The following RTN3 variants were observed in gnomAD, a reference collection of about 807,000 sequenced individuals.
The protein encoded by RTN3 is reticulon 3, also known as reticulon-3.
RTN3 carries 49 observed loss-of-function variants against 77.8 expected under a neutral mutation model. That is an observed-to-expected ratio of 0.63 (90% CI 0.50 to 0.80). The LOEUF is 0.80. Ranked by LOEUF, RTN3 falls within the 30% of genes least tolerant of loss-of-function variation. The pLI, the probability that RTN3 is intolerant of heterozygous loss-of-function variation, is 0.00. For synonymous variants in RTN3, 464 were observed against 446.9 expected, an observed-to-expected ratio of 1.04 and a Z score of -0.48; for missense variants, 1,236 against 1,211.9, an observed-to-expected ratio of 1.02 and a Z score of -0.29.
At chr11:63,735,550 T>TTCCCTCTCTCTCTCTC (rs2013034094) in intron 3 of RTN3, among the ~76,000 whole-genome samples, 1 of 42,684 alleles carries the variant, frequency 2.3e-5, no homozygotes, top group South Asian at 1.5e-3. Flanking sequence ...ATTCTAACAT[T>TTCCCTCTCTCTCTCTC]TCTCTCTCTC....
At chr11:63,715,658 AAAAAAACACAC>A (rs143591453) in intron 2 of RTN3, among the ~76,000 whole-genome samples, 14,532 of 152,086 alleles carry the variant, frequency 0.096, 921 homozygotes, top group South Asian at 0.16. Context: ...ACTCTGTCTA[AAAAAAACACAC>A]AAAAAACACA....
At chr11:63,687,276 C>T (rs1006479740) in intron 1 of RTN3, among the ~76,000 whole-genome samples, 3 of 152,138 alleles carry the variant, frequency 2.0e-5, no homozygotes, top group Admixed American at 6.6e-5. Flanking sequence ...GTTTCCTTAA[C>T]TTGAAAATTG....
At chr11:63,713,441 T>G (rs1396696088) in intron 2 of RTN3, among the ~76,000 whole-genome samples, 1 of 151,892 alleles carries the variant, frequency 6.6e-6, no homozygotes. Context: ...TCCCAAGTAG[T>G]CAGGACCACA....
At position 63,720,934 on chromosome 11, in the gene RTN3, C is replaced by T; in HGVS notation, c.2432C>T (p.Thr811Ile). The T allele has an allele frequency of 6.2e-7, 1 of 1,614,080 alleles. No homozygotes were observed. Among genetic ancestry groups the T allele is most frequent in the Non-Finnish European group, 8.5e-7 (1 of 1,179,982 alleles). ...CTTGGGATTTCCCAGAAGCCCATCA[C>T]TATCAGAGAAACTACTAGGGTAGAT... is the stretch of plus-strand genomic sequence containing the variant. ...SDLGISQKPI[T>I]IRETTRVDAV... The change falls in exon 3 of 9, where the codon ACT becomes ATT. Residue 811 changes from threonine to isoleucine, a missense_variant. Thr to Ile is a moderately conservative substitution (Grantham distance 89, BLOSUM62 -1). Transcript: ENST00000377819.
Position 63,758,655 on chromosome 11 carries a change from G to T in RTN3, c.*454G>T, listed in dbSNP as rs1359383282. 6.2e-5 allele frequency: 20 copies of T among 324,212 alleles called. No homozygotes were observed. The highest frequency in any genetic ancestry group is 1.7e-3 in the Middle Eastern group (2 of 1,212). 20.1% of individuals were successfully genotyped at this position (324,212 alleles called of 1,614,324 possible). On this transcript the variant is annotated 3_prime_UTR_variant, in exon 9 of 9. Coordinates refer to ENST00000377819, the MANE Select transcript of RTN3 (RefSeq NM_001265589.2). Reference sequence around the variant, plus strand: ...GGACAGGAGTGTGATACCTTCCTTGGTTTTTTTTTGCAGCCCTCAAATCCT... The same window carrying T: ...GGACAGGAGTGTGATACCTTCCTTGTTTTTTTTTTGCAGCCCTCAAATCCT...
chr11:63,696,857 TTTTC>T (rs1272351873), intron 1 of RTN3, among the ~76,000 whole-genome samples: 1,515 of 91,528 alleles, frequency 0.017, 166 homozygotes, highest in Middle Eastern at 0.028. Flanking sequence ...CCTGTTGCTA[TTTTC>T]TTTCTTTCTT....
chr11:63,695,498 G>T (rs1003570061), intron 1 of RTN3, among the ~76,000 whole-genome samples: 5 of 152,218 alleles, frequency 3.3e-5, no homozygotes, highest in African/African-American at 1.2e-4. Context: ...GTGTGGAAGG[G>T]TGGGGAGAAG....
chr11:63,717,657 G>T (rs1322127550), intron 2 of RTN3, among the ~76,000 whole-genome samples: 1 of 151,872 alleles, frequency 6.6e-6, no homozygotes, highest in African/African-American at 2.4e-5. Flanking sequence ...AGTTAACTCT[G>T]TCTTAACCAA....
At chr11:63,695,121 C>A (rs1264835028) in intron 1 of RTN3, among the ~76,000 whole-genome samples, 2 of 152,148 alleles carry the variant, frequency 1.3e-5, no homozygotes, top group East Asian at 3.8e-4. Flanking sequence ...AATATTCAAA[C>A]CTCCATATTC....
At chr11:63,726,876 A>AAG (rs1327126718) in intron 3 of RTN3, among the ~76,000 whole-genome samples, 4 of 67,894 alleles carry the variant, frequency 5.9e-5, no homozygotes, top group Non-Finnish European at 1.2e-4. Flanking sequence ...AAAAAAAAAA[A>AAG]AAGAAGAAGT....
chr11:63,702,107 A>T (rs1168236269), intron 1 of RTN3, among the ~76,000 whole-genome samples: 2 of 152,172 alleles, frequency 1.3e-5, no homozygotes, highest in Non-Finnish European at 2.9e-5. Flanking sequence ...GCTTAAATAT[A>T]TTTCTAATAT....
intron 1 of RTN3, among the ~76,000 whole-genome samples, chr11:63,699,615 A>G (rs1219136495): frequency 1.3e-5 from 2 of 152,238 alleles, no homozygotes; most frequent in East Asian, 3.9e-4. Flanking sequence ...CACAAAGGAT[A>G]TAATCCAGAT....
chr11:63,724,305 C>T (rs1209670866), intron 3 of RTN3, among the ~76,000 whole-genome samples: 2 of 148,680 alleles, frequency 1.3e-5, no homozygotes, highest in African/African-American at 5.0e-5. Context: ...GCCTCAGCCT[C>T]CCGAGTAGCT....
chr11:63,696,413 A>C (rs1344922627), intron 1 of RTN3, among the ~76,000 whole-genome samples: 1 of 151,652 alleles, frequency 6.6e-6, no homozygotes, highest in Non-Finnish European at 1.5e-5. Flanking sequence ...AAAAAAAAAG[A>C]ATATTGTGAT....
intron 3 of RTN3, among the ~76,000 whole-genome samples, chr11:63,723,960 T>G (rs1478485058): frequency 6.6e-6 from 1 of 152,152 alleles, no homozygotes; most frequent in African/African-American, 2.4e-5. Context: ...TGATAGACTC[T>G]CATAGTTTGG....
Position 63,749,997 on chromosome 11 carries a change from A to G in RTN3, c.2537A>G (p.Asp846Gly). Residue 846 changes from aspartate (D) to glycine (G), a missense_variant, in exon 4 of 9, where the codon GAT becomes GGT. Physicochemically the swap from Asp to Gly is moderately conservative, Grantham distance 94. Transcript: ENST00000377819. The stretch of plus-strand genomic sequence containing the variant: ...TTCCCTTTTCTTTTGTCAGTGCACG[A>G]TCTGATTTTCTGGAGAGATGTGAAG... Reference protein sequence around the residue: ...ARLLTDFSVHDLIFWRDVKKT... With the variant: ...ARLLTDFSVHGLIFWRDVKKT... 1 of 1,613,106 alleles carries G rather than the reference A, an allele frequency of 6.2e-7. No individual in the cohort carries two copies. Among genetic ancestry groups the G allele is most frequent in the Non-Finnish European group, 8.5e-7 (1 of 1,179,166 alleles).
chr11:63,733,092 A>G (rs1655176389), intron 3 of RTN3, among the ~76,000 whole-genome samples: 1 of 151,958 alleles, frequency 6.6e-6, no homozygotes, highest in South Asian at 2.1e-4. Context: ...AGGCAGGTGG[A>G]TCACTTGAGG....
Position 63,752,649 on chromosome 11 carries a change from A to G in RTN3, c.2877+4A>G, listed in dbSNP as rs1195607541. On this transcript the variant is annotated splice_donor_region_variant and intron_variant, in intron 5 of 8. Coordinates refer to ENST00000377819, the MANE Select transcript of RTN3 (RefSeq NM_001265589.2). Reference sequence around the variant, plus strand: ...AGATCTGGTTGACTCCTTGAAGGTTAGTTGTTTCTGCAGCTCTTGGTGGTA... The same window carrying G: ...AGATCTGGTTGACTCCTTGAAGGTTGGTTGTTTCTGCAGCTCTTGGTGGTA... The G allele has an allele frequency of 1.2e-6, 2 of 1,613,596 alleles. No homozygotes were observed. Among genetic ancestry groups the G allele is most frequent in the African/African-American group, 1.3e-5 (1 of 74,910 alleles).
intron 3 of RTN3, among the ~76,000 whole-genome samples, chr11:63,735,831 A>G (rs2013083482): frequency 6.6e-6 from 1 of 152,098 alleles, no homozygotes; most frequent in Non-Finnish European, 1.5e-5. Context: ...CGCCTCACCA[A>G]TTCTAACATT....
Sources: gnomAD v4.1 joint callset for allele counts (sites outside exome capture counted in the v4.1 genomes callset) on GRCh38, gnomAD v4.1.1 for gene constraint, MANE v1.5 for transcripts, NCBI Gene and HGNC (gene_info 2026-07-23, HGNC 2026-07-21) for gene names.